The following RASA4 variants were observed in gnomAD, a reference collection of about 807,000 sequenced individuals.
The protein encoded by RASA4 is ras GTPase-activating protein 4.
In RASA4, 5 loss-of-function variants were observed where a neutral mutation model predicts 24.0. The ratio of observed to expected loss-of-function variants is 0.21; its 90% CI spans 0.11 to 0.44. The LOEUF (loss-of-function observed/expected upper bound fraction) is 0.44, where lower values mean the gene tolerates loss of function less well. RASA4 is among the 20% of genes least tolerant of loss of function. The pLI, the probability that RASA4 is intolerant of heterozygous loss-of-function variation, is 0.99. For missense variants in RASA4, 38 were observed against 293.0 expected, an observed-to-expected ratio of 0.13 and a Z score of 6.35; for synonymous variants, 9 against 132.7, an observed-to-expected ratio of 0.07 and a Z score of 6.41.
chr7:102,611,910 AG>A (rs1369623082), intron 1 of RASA4, among the ~76,000 whole-genome samples: 3 of 116,520 alleles, frequency 2.6e-5, no homozygotes, highest in Admixed American at 1.8e-4. Flanking sequence ...GGACAGAGGG[AG>A]GGGGTACTGG....
chr7:102,610,441 G>C (rs1458344739), intron 2 of RASA4, among the ~76,000 whole-genome samples: 5 of 144,076 alleles, frequency 3.5e-5, no homozygotes, highest in African/African-American at 1.3e-4. Flanking sequence ...GGAGAGGACA[G>C]CAAAGACCCT....
chr7:102,580,234 CTCT>C lies in RASA4; in HGVS notation c.*2534_*2536del, dbSNP rs1161371604. 1 of 139,210 alleles carries C rather than the reference CTCT, an allele frequency of 7.2e-6. No homozygotes were observed. The highest frequency in any genetic ancestry group is 2.6e-5 in the African/African-American group (1 of 38,724). The allele number at this position is 139,210 out of a possible 1,614,324, so 8.6% of individuals were successfully genotyped here. On this transcript the variant is annotated 3_prime_UTR_variant, in exon 21 of 21. Coordinates refer to ENST00000262940, the MANE Select transcript of RASA4 (RefSeq NM_006989.6). ...TTGCTGTAAGTCACCTAAATATCTT[CTCT>C]TTTTTATACTTTTTATTGTAGTAAA...
chr7:102,603,801 A>G (rs1303054032), intron 5 of RASA4, among the ~76,000 whole-genome samples: 2 of 145,044 alleles, frequency 1.4e-5, no homozygotes, highest in African/African-American at 5.1e-5. Flanking sequence ...AGAAAACGCC[A>G]CTGCACTCCA....
intron 8 of RASA4, 76 bp from the exon 9 acceptor site, chr7:102,596,205 T>C: frequency 7.7e-7 from 1 of 1,304,052 alleles, no homozygotes; most frequent in South Asian, 1.2e-5. Context: ...CGGCCTCCAG[T>C]TTTTTCCCTT....
rs1289072345 is a variant in RASA4, at chr7:102,589,845, G to A, written c.1968+314C>T. ...TGCCTGATGTAGCTGGTAGCGGGGCGAGAAGCTCAATCAACTCTTTTCTCA... is the reference window on the plus strand; with the variant it reads ...TGCCTGATGTAGCTGGTAGCGGGGCAAGAAGCTCAATCAACTCTTTTCTCA... On this transcript the variant is annotated intron_variant, in intron 17 of 20. Transcript: ENST00000262940. Among the ~76,000 whole-genome samples, 3 of 33,836 alleles carry A rather than the reference G, an allele frequency of 8.9e-5. 1 individual carries two copies. Among genetic ancestry groups the A allele is most frequent in the African/African-American group, 1.5e-4 (2 of 13,208 alleles). 22.2% of individuals were successfully genotyped at this position (33,836 alleles called of 152,430 possible). A position where few individuals can be genotyped will look rare whatever the true frequency, so the allele number is the denominator to read the frequency against.
intron 17 of RASA4, among the ~76,000 whole-genome samples, chr7:102,588,952 C>CTTTT (rs138710001): frequency 3.9e-4 from 12 of 30,414 alleles, no homozygotes; most frequent in Non-Finnish European, 5.3e-4. Flanking sequence ...TCACAATTTG[C>CTTTT]TTTTTTTTTT....
At chr7:102,610,258 T>A in intron 2 of RASA4, among the ~76,000 whole-genome samples, 1 of 102,940 alleles carries the variant, frequency 9.7e-6, no homozygotes, top group Non-Finnish European at 2.1e-5. Context: ...ATCAGAGCCA[T>A]CACACCCCTC....
In RASA4 at chr7:102,580,354, A is replaced by T. The variant is rs1801479930; in HGVS notation, c.*2417T>A. The T allele has an allele frequency of 1.1e-5, 1 of 93,368 alleles. No individual in the cohort carries two copies. Among genetic ancestry groups the T allele is most frequent in the Non-Finnish European group, 2.4e-5 (1 of 42,478 alleles). 5.8% of individuals were successfully genotyped at this position (93,368 alleles called of 1,614,324 possible). On this transcript the variant is annotated 3_prime_UTR_variant, in exon 21 of 21. Coordinates refer to ENST00000262940, the MANE Select transcript of RASA4 (RefSeq NM_006989.6). ...TTCACAATGTGTAGCCATCACCACT[A>T]TTTAGTTCAAAAATTTCAAGTCTCC...
At chr7:102,612,164 G>A (rs1202248224) in intron 1 of RASA4, 2,189 of 152,878 alleles carry the variant, frequency 0.014, 1 homozygote, top group African/African-American at 0.055. Context: ...GCCCTCCCTC[G>A]CCCCAGGACG....
chr7:102,605,178 C>T (rs1344239433), intron 5 of RASA4, among the ~76,000 whole-genome samples: 1 of 143,026 alleles, frequency 7.0e-6, no homozygotes, highest in Non-Finnish European at 1.6e-5. Context: ...TCCCACCAGG[C>T]CAAGTTCACA....
At chr7:102,590,994 C>A (rs1223645025) in intron 16 of RASA4, among the ~76,000 whole-genome samples, 1 of 144,082 alleles carries the variant, frequency 6.9e-6, no homozygotes, top group African/African-American at 2.7e-5. Flanking sequence ...GTAGTCAAAT[C>A]TTTCAACCCT....
intron 5 of RASA4, among the ~76,000 whole-genome samples, 158 bp downstream of exon 5, chr7:102,605,700 G>A (rs76206667): frequency 0.032 from 4,444 of 138,550 alleles, 1 homozygote; most frequent in East Asian, 0.073. Context: ...GTGAGACGCC[G>A]TGCCTGGCGA....
At chr7:102,603,865 C>CCA (rs1184093971) in intron 5 of RASA4, among the ~76,000 whole-genome samples, 3 of 80,236 alleles carry the variant, frequency 3.7e-5, no homozygotes, top group East Asian at 3.0e-4. Flanking sequence ...AAAAAACCAC[C>CCA]AAAAAAAAAA....
intron 5 of RASA4, among the ~76,000 whole-genome samples, chr7:102,602,995 C>T (rs1174509065): frequency 2.0e-5 from 3 of 150,660 alleles, no homozygotes; most frequent in Non-Finnish European, 4.4e-5. Flanking sequence ...GAGTCTCGCT[C>T]TGTCGCCCAG....
chr7:102,595,278 T>A (rs1028830161), intron 11 of RASA4, 27 bp downstream of exon 11: 1 of 1,394,092 alleles, frequency 7.2e-7, no homozygotes, highest in Non-Finnish European at 9.8e-7. Context: ...ATTTGCAAGA[T>A]GAGGACAATA....
intron 18 of RASA4, among the ~76,000 whole-genome samples, chr7:102,587,083 C>T (rs1172388085): frequency 2.1e-4 from 1 of 4,786 alleles, no homozygotes; most frequent in East Asian, 0.019. Context: ...GATGATAGAG[C>T]GAGACTCAGT....
chr7:102,608,269 T>TA (rs1790744602), intron 4 of RASA4, among the ~76,000 whole-genome samples: 2 of 56,858 alleles, frequency 3.5e-5, no homozygotes, highest in South Asian at 1.4e-3. Context: ...GTGCCCGGCC[T>TA]TTTTTTTAAA....
At position 102,605,898 on chromosome 7, in the gene RASA4, C is replaced by G. The variant is rs759217859; in HGVS notation, c.388G>C (p.Ala130Pro). ...GAGCAGCGTAGCCGGCAGGCCCGGGCCCCTGGCCACACTTCCAGCCGCAGG... is the reference window on the plus strand; with the variant it reads ...GAGCAGCGTAGCCGGCAGGCCCGGGGCCCTGGCCACACTTCCAGCCGCAGG... ...IHLRLEVWPGARACRLRCSVL... is the reference protein window; with the variant it reads ...IHLRLEVWPGPRACRLRCSVL... The change falls in exon 5 of 21, where the codon GCC (alanine) becomes CCC (proline). Residue 130 changes from alanine to proline, a missense_variant. By Grantham distance (27) the Ala-to-Pro change is conservative. Transcript: ENST00000262940. 1.3e-6 allele frequency: 2 copies of G among 1,583,198 alleles called. No homozygotes were observed. Among genetic ancestry groups the G allele is most frequent in the Non-Finnish European group, 1.7e-6 (2 of 1,163,796 alleles).
intron 16 of RASA4, among the ~76,000 whole-genome samples, chr7:102,590,801 A>G (rs1789949915): frequency 7.0e-6 from 1 of 141,848 alleles, no homozygotes; most frequent in African/African-American, 2.9e-5. Context: ...TTAGCCGGGC[A>G]TGGTGGCGCA....
Sources: gnomAD v4.1 joint callset for allele counts (sites outside exome capture counted in the v4.1 genomes callset) on GRCh38, gnomAD v4.1.1 for gene constraint, MANE v1.5 for transcripts, NCBI Gene and HGNC (gene_info 2026-07-23, HGNC 2026-07-21) for gene names.